ADAMTS10: variants seen among roughly 807,000 people sequenced by gnomAD.
ADAMTS10 encodes ADAM metallopeptidase with thrombospondin type 1 motif 10, also known as A disintegrin and metalloproteinase with thrombospondin motifs 10.
ADAMTS10 carries 48 observed loss-of-function variants against 135.9 expected under a neutral mutation model. The ratio of observed to expected loss-of-function variants is 0.35; its 90% CI spans 0.28 to 0.45. The LOEUF (loss-of-function observed/expected upper bound fraction) is 0.45, where lower values mean the gene tolerates loss of function less well. ADAMTS10 is among the 20% of genes least tolerant of loss of function. The probability of loss-of-function intolerance (pLI) is 1.00; values close to 1 mark genes in which losing one functional copy is unlikely to be tolerated. For missense variants in ADAMTS10, 1,131 were observed against 1,565.2 expected, an observed-to-expected ratio of 0.72 and a Z score of 4.68; for synonymous variants, 621 against 647.5, an observed-to-expected ratio of 0.96 and a Z score of 0.62.
chr19:8,590,069 T>C, intron 15 of ADAMTS10, 78 bp from the exon 16 acceptor site: 1 of 1,046,468 alleles, frequency 9.6e-7, no homozygotes, highest in Non-Finnish European at 1.5e-6. Flanking sequence ...CAGAGAAAGA[T>C]GGGCTGGAGG....
intron 2 of ADAMTS10, among the ~76,000 whole-genome samples, chr19:8,607,107 G>GT: frequency 6.6e-6 from 1 of 152,190 alleles, no homozygotes; most frequent in East Asian, 1.9e-4. Flanking sequence ...TTGAAGGGGG[G>GT]GCTGGTCGGT....
At position 8,580,876 on chromosome 19, in the gene ADAMTS10, CG is replaced by C; in HGVS notation, c.*16del. The stretch of plus-strand genomic sequence containing the variant: ...GCGGAGACCCCGCCAGCTGTGGCTC[CG>C]GGTGCCGCGCGCCCCCTAGTGGCCA... On this transcript the variant is annotated 3_prime_UTR_variant, in exon 26 of 26. Coordinates refer to ENST00000597188, the MANE Select transcript of ADAMTS10 (RefSeq NM_030957.4). 6.3e-7 allele frequency: 1 copy of C among 1,582,222 alleles called. No homozygotes were observed. The highest frequency in any genetic ancestry group is 8.6e-7 in the Non-Finnish European group (1 of 1,162,428).
At chr19:8,597,580 C>G (rs2042620286) in intron 6 of ADAMTS10, among the ~76,000 whole-genome samples, 1 of 152,066 alleles carries the variant, frequency 6.6e-6, no homozygotes, top group African/African-American at 2.4e-5. Context: ...AGGTGTGAGC[C>G]ACCATGCCCA....
chr19:8,595,922 A>T lies in ADAMTS10; in HGVS notation c.1338-19T>A. 6.2e-7 allele frequency: 1 copy of T among 1,614,182 alleles called. No homozygotes were observed. The highest frequency in any genetic ancestry group is 8.5e-7 in the Non-Finnish European group (1 of 1,180,038). ...GCCCGAGCTGCCTCGAGAGAAAAGC[A>T]ACTGTCATGCTAGGTGGCTGCAAAT... On this transcript the variant is annotated intron_variant, in intron 11 of 25. Transcript: ENST00000597188.
chr19:8,598,938 C>T (rs2042634870), intron 6 of ADAMTS10, among the ~76,000 whole-genome samples: 3 of 152,000 alleles, frequency 2.0e-5, no homozygotes, highest in Admixed American at 2.0e-4. Flanking sequence ...CAACTGAGGG[C>T]CATCAGAGAC....
chr19:8,589,165 T>C lies in ADAMTS10; in HGVS notation c.2158+77A>G, dbSNP rs1437777521. 12 of 1,601,188 alleles carry C rather than the reference T, an allele frequency of 7.5e-6. No individual in the cohort carries two copies. In the East Asian group the frequency reaches 2.5e-4, roughly 33 times the overall value. ...GGTCTGAGGAGTTAGTGATCTCAGC[T>C]ACTGCACTGGGATCAGTTCCACCTG... On this transcript the variant is annotated intron_variant, in intron 18 of 25. Coordinates refer to ENST00000597188, the MANE Select transcript of ADAMTS10 (RefSeq NM_030957.4).
chr19:8,585,601 C>T lies in ADAMTS10; in HGVS notation c.2720G>A (p.Arg907His). The T allele has an allele frequency of 6.2e-7, 1 of 1,610,730 alleles. No homozygotes were observed. The highest frequency in any genetic ancestry group is 8.5e-7 in the Non-Finnish European group (1 of 1,179,102). The change falls in exon 23 of 26, where the codon CGC (arginine) becomes CAC (histidine). Residue 907 changes from arginine (R) to histidine (H), a missense_variant. Transcript: ENST00000597188. ...SRSCDAGVRS[R>H]SVVCQRRVSA... The stretch of plus-strand genomic sequence containing the variant: ...GACGCGGCGCTGGCACACGACCGAG[C>T]GGCTGCGCACGCCTGCATCGCAGCT...
chr19:8,599,860 A>G (rs1600114517), intron 6 of ADAMTS10, among the ~76,000 whole-genome samples: 1 of 151,460 alleles, frequency 6.6e-6, no homozygotes, highest in East Asian at 1.9e-4. Context: ...TTTGAGACAG[A>G]GTCTTGCTCT....
At chr19:8,586,061 C>CTTGACT in intron 22 of ADAMTS10, 61 bp downstream of exon 22, 1 of 1,610,830 alleles carries the variant, frequency 6.2e-7, no homozygotes. Context: ...AGCACTCGCT[C>CTTGACT]TTGACTCCAG....
At position 8,596,108 on chromosome 19, in the gene ADAMTS10, T is replaced by G; in HGVS notation, c.1302A>C (p.Ser434=). The G allele has an allele frequency of 6.2e-7, 1 of 1,614,216 alleles. No individual in the cohort carries two copies. The highest frequency in any genetic ancestry group is 8.5e-7 in the Non-Finnish European group (1 of 1,180,030). The change falls in exon 11 of 26, where the codon TCA becomes TCC. Residue 434 remains serine, a synonymous_variant. Coordinates refer to ENST00000597188, the MANE Select transcript of ADAMTS10 (RefSeq NM_030957.4). This position sits in a 1 kb window ranked among gnomAD's most constrained non-coding sequence, Gnocchi z 7.2. ...TGGTGATGTAGTCACGGCTGCAGGA[T>G]GACCACACGAATGGGTTGGTCTTCA... ...ITMKTNPFVW[S]SCSRDYITSF...
chr19:8,585,927 C>T (rs1386798394), intron 22 of ADAMTS10, among the ~76,000 whole-genome samples, 195 bp downstream of exon 22: 1 of 152,112 alleles, frequency 6.6e-6, no homozygotes, highest in Non-Finnish European at 1.5e-5. Flanking sequence ...GGCCATGCAG[C>T]TTTGACCGCC....
chr19:8,584,687 G>T (rs891496423), intron 25 of ADAMTS10, among the ~76,000 whole-genome samples: 1 of 152,204 alleles, frequency 6.6e-6, no homozygotes, highest in Non-Finnish European at 1.5e-5. Context: ...TGGGTGCACA[G>T]AAGGGTCAGG....
At chr19:8,600,889 T>TC in intron 6 of ADAMTS10, 39 bp downstream of exon 6, 1 of 1,611,964 alleles carries the variant, frequency 6.2e-7, no homozygotes. Flanking sequence ...TGGCTCCAAG[T>TC]CCTCAGGGCT....
In ADAMTS10 at chr19:8,587,163, C is replaced by CTT. The variant is rs1194992099; in HGVS notation, c.2159-269_2159-268dup. On this transcript the variant is annotated intron_variant, in intron 18 of 25. Transcript: ENST00000597188. ...AGGATTTTTCTTTCTTTCTTTCTTT[C>CTT]TTTTTTTTTTTTGGAGACAGGATGT... is the stretch of plus-strand genomic sequence containing the variant. 8.8e-4 allele frequency among the ~76,000 whole-genome samples: 126 copies of CTT among 143,544 alleles called. 1 individual carries two copies. Among genetic ancestry groups the CTT allele is most frequent in the Non-Finnish European group, 1.5e-3 (96 of 65,196 alleles). The allele number at this position is 143,544 out of a possible 152,430, so 94.2% of individuals were successfully genotyped here. A position where few individuals can be genotyped will look rare whatever the true frequency, so the allele number is the denominator to read the frequency against.
chr19:8,597,697 G>A (rs1425389419), intron 6 of ADAMTS10, among the ~76,000 whole-genome samples: 1 of 152,156 alleles, frequency 6.6e-6, no homozygotes, highest in Non-Finnish European at 1.5e-5. Context: ...CTGCAGTGCT[G>A]CGGTGCAATC....
chr19:8,591,888 A>T (rs781933860), intron 14 of ADAMTS10, 25 bp from the exon 15 acceptor site: 3 of 1,612,606 alleles, frequency 1.9e-6, no homozygotes, highest in Non-Finnish European at 1.7e-6. Context: ...GGGATAGGAG[A>T]GGGATGAGGC....
intron 22 of ADAMTS10, among the ~76,000 whole-genome samples, 200 bp downstream of exon 22, chr19:8,585,922 T>G (rs1393987303): frequency 6.6e-6 from 1 of 152,080 alleles, no homozygotes; most frequent in Non-Finnish European, 1.5e-5. Flanking sequence ...TCCAGGGCCA[T>G]GCAGCTTTGA....
chr19:8,585,248 G>A lies in ADAMTS10; in HGVS notation c.2926C>T (p.His976Tyr). 1 of 1,485,738 alleles carries A rather than the reference G, an allele frequency of 6.7e-7. No individual in the cohort carries two copies. Among genetic ancestry groups the A allele is most frequent in the Non-Finnish European group, 9.0e-7 (1 of 1,116,012 alleles). 92.0% of individuals were successfully genotyped at this position (1,485,738 alleles called of 1,614,324 possible). A position where few individuals can be genotyped will look rare whatever the true frequency, so the allele number is the denominator to read the frequency against. Reference protein sequence around the residue: ...HRVVLCKSADHRATLPPAHCS... With the variant: ...HRVVLCKSADYRATLPPAHCS... ...TGCGCCGGGGGCAGCGTGGCGCGGT[G>A]GTCTGCGCTCTTGCAAAGGACCACG... The change falls in exon 24 of 26, where the codon CAC becomes TAC. Residue 976 changes from histidine (H) to tyrosine (Y), a missense_variant. His to Tyr is a moderately conservative substitution (Grantham distance 83). Coordinates refer to ENST00000597188, the MANE Select transcript of ADAMTS10 (RefSeq NM_030957.4).
chr19:8,581,905 C>T (rs1344982344), intron 25 of ADAMTS10, among the ~76,000 whole-genome samples: 1 of 150,286 alleles, frequency 6.7e-6, no homozygotes, highest in Admixed American at 6.6e-5. Context: ...GTGGCATGTG[C>T]CTGTAGTCCC....
Sources: gnomAD v4.1 joint callset for allele counts (sites outside exome capture counted in the v4.1 genomes callset) on GRCh38, gnomAD v4.1.1 for gene constraint, Gnocchi (gnomAD v3.1) non-coding constraint, MANE v1.5 for transcripts, NCBI Gene and HGNC (gene_info 2026-07-23, HGNC 2026-07-21) for gene names.